The following CDKL1 variants were observed in gnomAD, a reference collection of about 807,000 sequenced individuals.
CDKL1 encodes the protein cyclin dependent kinase like 1.
A neutral mutation model predicts 42.0 loss-of-function variants in CDKL1; 41 were observed. That is an observed-to-expected ratio of 0.98 (90% CI 0.76 to 1.27). CDKL1 has a LOEUF of 1.27. Among genes scored for constraint, CDKL1 ranks in the 50% most tolerant of loss-of-function variants. The probability of loss-of-function intolerance (pLI) is 0.00; values close to 1 mark genes in which losing one functional copy is unlikely to be tolerated. For missense variants in CDKL1, 394 were observed against 428.4 expected (o/e 0.92, Z 0.71); for synonymous variants, 153 against 158.6 (o/e 0.96, Z 0.26).
chr14:50,382,782 CAA>C (rs1375701172), intron 2 of CDKL1, among the ~76,000 whole-genome samples: 1 of 152,090 alleles, frequency 6.6e-6, no homozygotes, highest in Non-Finnish European at 1.5e-5. Context: ...TTTGTAGAGA[CAA>C]AGTTTCACTT....
intron 7 of CDKL1, among the ~76,000 whole-genome samples, chr14:50,335,252 T>G (rs954117854): frequency 7.5e-6 from 1 of 132,786 alleles, no homozygotes; most frequent in African/African-American, 2.9e-5. Flanking sequence ...GCCATAAATG[T>G]GCCACTGCAC....
chr14:50,385,052 C>G (rs1266880739), intron 2 of CDKL1, among the ~76,000 whole-genome samples: 1 of 116,806 alleles, frequency 8.6e-6, no homozygotes, highest in Non-Finnish European at 1.6e-5. Context: ...GCCTGGGTGA[C>G]AGAGCAAGAC....
rs58307197 is a variant in CDKL1 at position 50,360,786 on chromosome 14, TTGTGTGTGTGTG to T, written c.169-1649_169-1638del. On this transcript the variant is annotated intron_variant, in intron 2 of 9. Transcript: ENST00000395834. ...GGTGGAATGATAGACGTGTGTGTGT[TTGTGTGTGTGTG>T]TGTGTGTGTGTGTGTGTGTGTGTGT... Among the ~76,000 whole-genome samples the T allele has an allele frequency of 3.6e-3, 520 of 144,698 alleles. 1 individual carries two copies. In the Middle Eastern group the frequency reaches 0.049, roughly 14 times the overall value. 94.9% of individuals were successfully genotyped at this position (144,698 alleles called of 152,430 possible).
At chr14:50,334,514 T>G (rs374989440) in intron 8 of CDKL1, 51 bp downstream of exon 8, 22 of 986,510 alleles carry the variant, frequency 2.2e-5, no homozygotes, top group Admixed American at 5.7e-5. Context: ...GATTCCCCAG[T>G]GATGACAACT....
chr14:50,387,951 C>A (rs1248891796), intron 2 of CDKL1, among the ~76,000 whole-genome samples: 1 of 152,136 alleles, frequency 6.6e-6, no homozygotes, highest in Non-Finnish European at 1.5e-5. Flanking sequence ...GGCTGGAGCA[C>A]AATGGCTCTA....
intron 2 of CDKL1, among the ~76,000 whole-genome samples, chr14:50,391,077 A>G (rs1233621102): frequency 2.0e-5 from 3 of 152,148 alleles, no homozygotes; most frequent in African/African-American, 7.2e-5. Context: ...TCGAGAGATC[A>G]GCACGTTGGC....
chr14:50,345,237 G>A (rs775788922), intron 3 of CDKL1, among the ~76,000 whole-genome samples, 179 bp from the exon 4 acceptor site: 2 of 152,138 alleles, frequency 1.3e-5, no homozygotes, highest in African/African-American at 2.4e-5. Context: ...CCAGCACACC[G>A]CTGAAGTCTA....
In CDKL1 at chr14:50,326,655, AC is replaced by A; in HGVS notation, c.*3418del. 3 of 985,340 alleles carry A rather than the reference AC, an allele frequency of 3.0e-6. No individual in the cohort carries two copies. The highest frequency in any genetic ancestry group is 3.6e-6 in the Non-Finnish European group (3 of 829,806). The allele number at this position is 985,340 out of a possible 1,614,324, so 61.0% of individuals were successfully genotyped here. A position where few individuals can be genotyped will look rare whatever the true frequency, so the allele number is the denominator to read the frequency against. On this transcript the variant is annotated 3_prime_UTR_variant, in exon 10 of 10. Coordinates refer to ENST00000395834, the MANE Select transcript of CDKL1 (RefSeq NM_004196.7). ...TATTTTATTAAAACTGGACATAGATACTTGGCTGAATACAAATAGTTTTGCA... is the reference window on the plus strand; with the variant it reads ...TATTTTATTAAAACTGGACATAGATATTGGCTGAATACAAATAGTTTTGCA...
At chr14:50,393,325 C>T (rs2035312032) in intron 2 of CDKL1, among the ~76,000 whole-genome samples, 1 of 152,230 alleles carries the variant, frequency 6.6e-6, no homozygotes, top group Non-Finnish European at 1.5e-5. Context: ...CTTCCAAGAG[C>T]TGAGCTTCTG....
At position 50,362,237 on chromosome 14, in the gene CDKL1, G is replaced by A. The variant is rs987239283; in HGVS notation, c.169-3088C>T. 45 of 326,978 alleles carry A rather than the reference G, an allele frequency of 1.4e-4. No homozygotes were observed. In the East Asian group the frequency reaches 3.7e-3, roughly 27 times the overall value. 20.3% of individuals were successfully genotyped at this position (326,978 alleles called of 1,614,324 possible). ...CACGATCAGAACCGCCCCCTGCTCCGCAGCACCCGGTCCCATCGACCACCC... is the reference window on the plus strand; with the variant it reads ...CACGATCAGAACCGCCCCCTGCTCCACAGCACCCGGTCCCATCGACCACCC... On this transcript the variant is annotated intron_variant, in intron 2 of 9. Coordinates refer to ENST00000395834, the MANE Select transcript of CDKL1 (RefSeq NM_004196.7).
At chr14:50,389,796 C>A (rs2035199763) in intron 2 of CDKL1, among the ~76,000 whole-genome samples, 1 of 152,082 alleles carries the variant, frequency 6.6e-6, no homozygotes, top group Admixed American at 6.5e-5. Flanking sequence ...GGAGAACGGG[C>A]AGTATAAATT....
intron 2 of CDKL1, among the ~76,000 whole-genome samples, chr14:50,361,120 C>T (rs1212415629): frequency 6.6e-6 from 1 of 151,958 alleles, no homozygotes; most frequent in Non-Finnish European, 1.5e-5. Context: ...CACTGTGTAT[C>T]CAGAGGTATT....
rs1382133686 is a variant in CDKL1 at position 50,326,771 on chromosome 14, T to C, written c.*3303A>G. The C allele has an allele frequency of 1.0e-6, 1 of 984,986 alleles. No homozygotes were observed. Among genetic ancestry groups the C allele is most frequent in the Non-Finnish European group, 1.2e-6 (1 of 829,672 alleles). The allele number at this position is 984,986 out of a possible 1,614,324, so 61.0% of individuals were successfully genotyped here. A position where few individuals can be genotyped will look rare whatever the true frequency, so the allele number is the denominator to read the frequency against. On this transcript the variant is annotated 3_prime_UTR_variant, in exon 10 of 10. Coordinates refer to ENST00000395834, the MANE Select transcript of CDKL1 (RefSeq NM_004196.7). The stretch of plus-strand genomic sequence containing the variant: ...TAACATTGCTTTAGGCTGGGTGCCG[T>C]GGCTCGTGCCTGTAATCCCAGTGCT...
intron 3 of CDKL1, among the ~76,000 whole-genome samples, chr14:50,348,175 G>A (rs373556332): frequency 6.6e-5 from 10 of 152,200 alleles, no homozygotes; most frequent in African/African-American, 2.4e-4. Context: ...ATCTAAGCCA[G>A]GAGAGGGAAG....
intron 2 of CDKL1, among the ~76,000 whole-genome samples, chr14:50,385,275 T>A (rs965307685): frequency 6.6e-6 from 1 of 151,990 alleles, no homozygotes; most frequent in Non-Finnish European, 1.5e-5. Context: ...GGGACAAAAA[T>A]GACATCATAC....
At chr14:50,384,789 G>A (rs980362631) in intron 2 of CDKL1, among the ~76,000 whole-genome samples, 1 of 151,688 alleles carries the variant, frequency 6.6e-6, no homozygotes, top group African/African-American at 2.4e-5. Context: ...GTTGATGCCG[G>A]CTATGGCGGC....
At position 50,349,999 on chromosome 14, in the gene CDKL1, G is replaced by A. The variant is rs779586995; in HGVS notation, c.291-4941C>T. Among the ~76,000 whole-genome samples, 4 of 152,162 alleles carry A rather than the reference G, an allele frequency of 2.6e-5. No individual in the cohort carries two copies. In the East Asian group the frequency reaches 5.8e-4, roughly 22 times the overall value. Reference sequence around the variant, plus strand: ...GGCCATGGTTGGCCAGGCTGGGCTCGAACGCCTGACCTCAGGTAATCTGCC... The same window carrying A: ...GGCCATGGTTGGCCAGGCTGGGCTCAAACGCCTGACCTCAGGTAATCTGCC... On this transcript the variant is annotated intron_variant, in intron 3 of 9. Transcript: ENST00000395834.
intron 6 of CDKL1, 42 bp from the exon 7 acceptor site, chr14:50,339,071 A>C (rs777120136): frequency 2.4e-6 from 3 of 1,267,646 alleles, no homozygotes; most frequent in Non-Finnish European, 3.5e-6. Flanking sequence ...ATTGGTTAGC[A>C]AACACTGATC....
rs1412445239 is a variant in CDKL1 at position 50,327,527 on chromosome 14, G to A, written c.*2547C>T. On this transcript the variant is annotated 3_prime_UTR_variant, in exon 10 of 10. Transcript: ENST00000395834. Reference sequence around the variant, plus strand: ...GTTGCCCAGGTTGGAGTGCAGTGGTGTGATCTCAGTTCACTGCAACCTCTG... The same window carrying A: ...GTTGCCCAGGTTGGAGTGCAGTGGTATGATCTCAGTTCACTGCAACCTCTG... 1.4e-5 allele frequency: 2 copies of A among 138,958 alleles called. No homozygotes were observed. Among genetic ancestry groups the A allele is most frequent in the East Asian group, 2.2e-4 (1 of 4,554 alleles). The allele number at this position is 138,958 out of a possible 1,614,324, so 8.6% of individuals were successfully genotyped here.
Sources: gnomAD v4.1 joint callset for allele counts (sites outside exome capture counted in the v4.1 genomes callset) on GRCh38, gnomAD v4.1.1 for gene constraint, MANE v1.5 for transcripts, NCBI Gene and HGNC (gene_info 2026-07-23, HGNC 2026-07-21) for gene names.